Variants in NCS1 observed in about 807,000 individuals in gnomAD.
The protein encoded by NCS1 is frequenin homolog.
NCS1 carries 6 observed loss-of-function variants against 28.4 expected under a neutral mutation model. That is an observed-to-expected ratio of 0.21 (90% confidence interval 0.12 to 0.42). The LOEUF (loss-of-function observed/expected upper bound fraction) is 0.42. Ranked by LOEUF, NCS1 falls within the 10% of genes least tolerant of loss-of-function variation. The pLI, the probability that NCS1 is intolerant of heterozygous loss-of-function variation, is 1.00. For synonymous variants in NCS1, 86 were observed against 99.3 expected (o/e 0.87, Z 0.79); for missense variants, 131 against 241.4 (o/e 0.54, Z 3.03).
Position 130,177,684 on chromosome 9 carries a change from C to T in NCS1, c.64+4957C>T, listed in dbSNP as rs1554904753. ...GGTGCGGGGCTGGGTCCTCACTCGGCCTTGGTGACCTTGGGGAAGTCCCTT... is the reference window on the plus strand; with the variant it reads ...GGTGCGGGGCTGGGTCCTCACTCGGTCTTGGTGACCTTGGGGAAGTCCCTT... On this transcript the variant is annotated intron_variant, in intron 1 of 7. Transcript: ENST00000372398. The surrounding 1 kb of genome is among the most constrained non-coding windows in gnomAD (Gnocchi z 4.4). Among the ~76,000 whole-genome samples the T allele has an allele frequency of 6.6e-6, 1 of 152,232 alleles. No homozygotes were observed. Among genetic ancestry groups the T allele is most frequent in the Non-Finnish European group, 1.5e-5 (1 of 68,038 alleles).
chr9:130,176,895 C>T (rs190293770), intron 1 of NCS1, among the ~76,000 whole-genome samples: 1 of 152,212 alleles, frequency 6.6e-6, no homozygotes, highest in African/African-American at 2.4e-5. Context: ...GCTTCTGAGG[C>T]CACTGCAGGC....
At chr9:130,194,090 C>G (rs1289703780) in intron 1 of NCS1, 1 of 152,696 alleles carries the variant, frequency 6.5e-6, no homozygotes, top group South Asian at 2.1e-4. Context: ...CGTCTGCCGT[C>G]CATGCCTCTA....
intron 4 of NCS1, among the ~76,000 whole-genome samples, chr9:130,221,375 A>G (rs532421996): frequency 4.2e-5 from 2 of 47,492 alleles, no homozygotes; most frequent in Admixed American, 3.7e-4. Context: ...TATATAAAAT[A>G]TCATATATAT....
At position 130,215,965 on chromosome 9, in the gene NCS1, C is replaced by G. The variant is rs556661549; in HGVS notation, c.90-1867C>G. 1.3e-3 allele frequency among the ~76,000 whole-genome samples: 194 copies of G among 152,288 alleles called. No homozygotes were observed. Among genetic ancestry groups the G allele is most frequent in the Middle Eastern group, 6.8e-3 (2 of 294 alleles). ...CATCCTCCTCCTCCCCTCAACCGCC[C>G]TCACTCCGGCAGCAGCAGCCACAGT... On this transcript the variant is annotated intron_variant, in intron 2 of 7. Coordinates refer to ENST00000372398, the MANE Select transcript of NCS1 (RefSeq NM_014286.4). This position sits in a 1 kb window ranked among gnomAD's most constrained non-coding sequence, Gnocchi z 4.2.
At chr9:130,206,242 C>T (rs150184508) in intron 2 of NCS1, among the ~76,000 whole-genome samples, 21 of 152,276 alleles carry the variant, frequency 1.4e-4, no homozygotes, top group African/African-American at 2.4e-4. Context: ...TGCCTACTCA[C>T]GGGCTGGATT....
intron 1 of NCS1, among the ~76,000 whole-genome samples, chr9:130,189,909 T>TATATATATATATATATAG (rs1564704684): frequency 8.0e-6 from 1 of 125,740 alleles, no homozygotes; most frequent in African/African-American, 3.2e-5. Context: ...TATATATATA[T>TATATATATATATATATAG]TCCCAAGGTC....
chr9:130,213,339 G>A (rs894659029), intron 2 of NCS1, among the ~76,000 whole-genome samples: 2 of 152,084 alleles, frequency 1.3e-5, no homozygotes, highest in African/African-American at 4.8e-5. Flanking sequence ...GTGCAGTGGC[G>A]TGATCTCGGC....
chr9:130,221,439 G>GAA (rs1833299575), intron 4 of NCS1, among the ~76,000 whole-genome samples: 3 of 138,768 alleles, frequency 2.2e-5, no homozygotes, highest in Admixed American at 7.6e-5. Context: ...GAGAGAGAGA[G>GAA]AGAGAGAGAG....
intron 2 of NCS1, among the ~76,000 whole-genome samples, chr9:130,208,593 C>T (rs1833063083): frequency 6.6e-6 from 1 of 152,120 alleles, no homozygotes; most frequent in Admixed American, 6.5e-5. Context: ...GGTTTTATTA[C>T]TTTTATAATA....
chr9:130,187,683 G>A (rs544242712), intron 1 of NCS1, among the ~76,000 whole-genome samples: 178 of 152,278 alleles, frequency 1.2e-3, no homozygotes, highest in African/African-American at 4.2e-3. Flanking sequence ...CAGTCTCTGC[G>A]TCCCTGCCAA....
intron 3 of NCS1, among the ~76,000 whole-genome samples, 198 bp downstream of exon 3, chr9:130,218,168 G>T (rs1257028411): frequency 6.6e-6 from 1 of 152,168 alleles, no homozygotes; most frequent in Non-Finnish European, 1.5e-5. Context: ...AATAAACACA[G>T]ATGCATCCAA....
intron 1 of NCS1, among the ~76,000 whole-genome samples, chr9:130,198,447 C>T (rs1439450555): frequency 6.6e-6 from 1 of 152,210 alleles, no homozygotes. Context: ...AATGCTGCCA[C>T]CCCTTGCCAA....
At chr9:130,185,337 A>G (rs868942614) in intron 1 of NCS1, among the ~76,000 whole-genome samples, 5 of 152,290 alleles carry the variant, frequency 3.3e-5, no homozygotes, top group African/African-American at 9.6e-5. Context: ...AAACAAGTAC[A>G]TAAACGAGCA....
intron 1 of NCS1, among the ~76,000 whole-genome samples, chr9:130,176,194 C>CTTTCTTTCTT (rs1554904576): frequency 4.0e-5 from 2 of 50,138 alleles, no homozygotes; most frequent in Non-Finnish European, 7.0e-5. Context: ...TTCTTTCTTT[C>CTTTCTTTCTT]TTTTTTTTTT....
chr9:130,183,758 T>G (rs1832702377), intron 1 of NCS1, among the ~76,000 whole-genome samples: 1 of 151,136 alleles, frequency 6.6e-6, no homozygotes, highest in Admixed American at 6.6e-5. Flanking sequence ...TTTCTCTTTC[T>G]CTTTCTCTTT....
intron 1 of NCS1, among the ~76,000 whole-genome samples, chr9:130,182,425 C>T (rs894107300): frequency 1.8e-4 from 27 of 152,332 alleles, no homozygotes; most frequent in East Asian, 5.8e-4. Context: ...CCAGGCATCC[C>T]GGACTCCTGG....
chr9:130,214,114 A>C (rs1554909066), intron 2 of NCS1, among the ~76,000 whole-genome samples: 1 of 152,224 alleles, frequency 6.6e-6, no homozygotes, highest in African/African-American at 2.4e-5. Flanking sequence ...CAGCGGTGTC[A>C]GGGGGCCTAC....
rs1833082805 is a variant in NCS1, at chr9:130,209,570, G to T, written c.90-8262G>T. On this transcript the variant is annotated intron_variant, in intron 2 of 7. Coordinates refer to ENST00000372398, the MANE Select transcript of NCS1 (RefSeq NM_014286.4). The surrounding 1 kb of genome is among the most constrained non-coding windows in gnomAD (Gnocchi z 4.4). ...GCGGGCGGGCATCCGGGACTGAGGGGGGCGAGGTGCTTGGAGTCTCCTGGT... is the reference window on the plus strand; with the variant it reads ...GCGGGCGGGCATCCGGGACTGAGGGTGGCGAGGTGCTTGGAGTCTCCTGGT... Among the ~76,000 whole-genome samples the T allele has an allele frequency of 6.6e-6, 1 of 152,168 alleles. No individual in the cohort carries two copies. The highest frequency in any genetic ancestry group is 1.5e-5 in the Non-Finnish European group (1 of 68,032).
chr9:130,179,028 G>A (rs759558294), intron 1 of NCS1, among the ~76,000 whole-genome samples: 139 of 148,200 alleles, frequency 9.4e-4, no homozygotes, highest in Non-Finnish European at 1.5e-3. Flanking sequence ...TCCACCTCCC[G>A]GGTTCAAGCA....
Sources: gnomAD v4.1 joint callset for allele counts (sites outside exome capture counted in the v4.1 genomes callset) on GRCh38, gnomAD v4.1.1 for gene constraint, Gnocchi (gnomAD v3.1) non-coding constraint, MANE v1.5 for transcripts, NCBI Gene and HGNC (gene_info 2026-07-23, HGNC 2026-07-21) for gene names.